The following TRPC4 variants were observed in gnomAD, a reference collection of about 807,000 sequenced individuals.
The protein encoded by TRPC4 is short transient receptor potential channel 4.
A neutral mutation model predicts 99.4 loss-of-function variants in TRPC4; 49 were observed. The ratio of observed to expected loss-of-function variants is 0.49; its 90% CI spans 0.39 to 0.63. TRPC4 has a LOEUF of 0.63. Ranked by LOEUF, TRPC4 falls within the 20% of genes least tolerant of loss-of-function variation. The pLI, the probability that TRPC4 is intolerant of heterozygous loss-of-function variation, is 0.00. For synonymous variants in TRPC4, 454 were observed against 425.9 expected, an observed-to-expected ratio of 1.07 and a Z score of -0.81; for missense variants, 898 against 1,152.9, an observed-to-expected ratio of 0.78 and a Z score of 3.20.
At chr13:37,745,620 C>T (rs1955753515) in intron 3 of TRPC4, among the ~76,000 whole-genome samples, 1 of 149,966 alleles carries the variant, frequency 6.7e-6, no homozygotes, top group Admixed American at 6.7e-5. Context: ...CTATCTGTGA[C>T]CCCCTAAAGT....
In TRPC4 at chr13:37,649,731, C is replaced by CAAAAAA. The variant is rs775364702; in HGVS notation, c.2079+1528_2079+1533dup. On this transcript the variant is annotated intron_variant, in intron 8 of 10. Coordinates refer to ENST00000379705, the MANE Select transcript of TRPC4 (RefSeq NM_016179.4). ...TGGGCAACTGAGCGAGACTCCGTCT[C>CAAAAAA]AAAAAAAAAAAAAAAAAAAAAAAAA... 3.6e-3 allele frequency among the ~76,000 whole-genome samples: 228 copies of CAAAAAA among 62,712 alleles called. 2 individuals are homozygous for CAAAAAA. The highest frequency in any genetic ancestry group is 0.019 in the East Asian group (15 of 786). 41.1% of individuals were successfully genotyped at this position (62,712 alleles called of 152,430 possible).
At chr13:37,753,782 T>C (rs1178188395) in intron 2 of TRPC4, among the ~76,000 whole-genome samples, 1 of 152,154 alleles carries the variant, frequency 6.6e-6, no homozygotes, top group Non-Finnish European at 1.5e-5. Flanking sequence ...TTGCAGAAGC[T>C]GCTAATGCAA....
chr13:37,746,478 T>G (rs1164319028), intron 2 of TRPC4, 23 bp from the exon 3 acceptor site: 3 of 1,564,920 alleles, frequency 1.9e-6, no homozygotes. Flanking sequence ...AAGGCAGAGG[T>G]GATGAATATT....
At chr13:37,837,686 C>A (rs1958603846) in intron 1 of TRPC4, among the ~76,000 whole-genome samples, 1 of 152,152 alleles carries the variant, frequency 6.6e-6, no homozygotes, top group Non-Finnish European at 1.5e-5. Flanking sequence ...CTTGTCTTAT[C>A]TTGGATGAGA....
At chr13:37,710,250 A>G (rs1187273973) in intron 3 of TRPC4, among the ~76,000 whole-genome samples, 1 of 151,970 alleles carries the variant, frequency 6.6e-6, no homozygotes, top group Non-Finnish European at 1.5e-5. Context: ...GTAAACATTA[A>G]GAGATTAATC....
rs767741358 is a variant in TRPC4 at position 37,783,034 on chromosome 13, T to C, written c.300A>G (p.Leu100=). 6.8e-6 allele frequency: 11 copies of C among 1,612,974 alleles called. No individual in the cohort carries two copies. The Admixed American group carries it at 1.3e-4, about 20-fold the overall frequency. The change falls in exon 2 of 11, where the codon CTA becomes CTG. Residue 100 remains leucine (L), a synonymous_variant. Transcript: ENST00000379705. ...CGACTTCTTTTCTGATAGCATGTAA[T>C]AGAGCATCTCCAACATAGACATTAA... ...LSFNVYVGDA[L]LHAIRKEVVG...
At chr13:37,644,973 A>G (rs115491249) in intron 8 of TRPC4, among the ~76,000 whole-genome samples, 1 of 151,850 alleles carries the variant, frequency 6.6e-6, no homozygotes, top group Non-Finnish European at 1.5e-5. Context: ...TTAAGACAGA[A>G]AAAATGGATT....
Position 37,746,318 on chromosome 13 carries a change from G to A in TRPC4, c.516C>T (p.His172=), listed in dbSNP as rs267603818. ...VQKGVSVPRP[H]EVRCNCVECV... ...ATTCCACACAGTTACAGCGGACCTC[G>A]TGGGGTCGAGGCACTGAGACTCCTT... is the stretch of plus-strand genomic sequence containing the variant. The change falls in exon 3 of 11, where the codon CAC becomes CAT. Residue 172 remains histidine, a synonymous_variant. Coordinates refer to ENST00000379705, the MANE Select transcript of TRPC4 (RefSeq NM_016179.4). The A allele has an allele frequency of 3.7e-6, 6 of 1,613,810 alleles. No homozygotes were observed. The Admixed American group carries it at 6.7e-5, about 18-fold the overall frequency.
chr13:37,848,383 A>G (rs1203744500), intron 1 of TRPC4, among the ~76,000 whole-genome samples: 1 of 152,162 alleles, frequency 6.6e-6, no homozygotes, highest in Admixed American at 6.6e-5. Flanking sequence ...TTGTATACCA[A>G]CTGCTATCAC....
At chr13:37,646,518 T>C (rs1006591861) in intron 8 of TRPC4, among the ~76,000 whole-genome samples, 2 of 152,192 alleles carry the variant, frequency 1.3e-5, no homozygotes, top group African/African-American at 4.8e-5. Flanking sequence ...CGGGACCTTT[T>C]GAGCAACAGC....
chr13:37,642,736 C>CTT lies in TRPC4; in HGVS notation c.2080-3439_2080-3438dup. Reference sequence around the variant, plus strand: ...TATGGAAATATGATTCTTTCTTTTTCTTTTTTTTTTTTTTTTTTGAGATAG... The same window carrying CTT: ...TATGGAAATATGATTCTTTCTTTTTCTTTTTTTTTTTTTTTTTTTTGAGATAG... On this transcript the variant is annotated intron_variant, in intron 8 of 10. Transcript: ENST00000379705. Among the ~76,000 whole-genome samples the CTT allele has an allele frequency of 7.1e-4, 2 of 2,806 alleles. 1 individual carries two copies. Among genetic ancestry groups the CTT allele is most frequent in the Non-Finnish European group, 1.5e-3 (2 of 1,308 alleles). 1.8% of individuals were successfully genotyped at this position (2,806 alleles called of 152,430 possible). A position where few individuals can be genotyped will look rare whatever the true frequency, so the allele number is the denominator to read the frequency against.
At chr13:37,852,744 G>A (rs1959091244) in intron 1 of TRPC4, among the ~76,000 whole-genome samples, 1 of 152,140 alleles carries the variant, frequency 6.6e-6, no homozygotes, top group East Asian at 1.9e-4. Flanking sequence ...CTTGAAGGGT[G>A]AGTCCCAGGC....
chr13:37,812,175 T>TAAAAAAAA (rs1957707997), intron 1 of TRPC4, among the ~76,000 whole-genome samples: 2 of 5,202 alleles, frequency 3.8e-4, no homozygotes, highest in African/African-American at 9.0e-4. Flanking sequence ...TGAGACTCTA[T>TAAAAAAAA]CAAAAAAAAA....
At position 37,713,680 on chromosome 13, in the gene TRPC4, T is replaced by C. The variant is rs936014445; in HGVS notation, c.898-21345A>G. Among the ~76,000 whole-genome samples, 94 of 152,094 alleles carry C rather than the reference T, an allele frequency of 6.2e-4. 1 individual carries two copies. Among genetic ancestry groups the C allele is most frequent in the Admixed American group, 1.4e-3 (21 of 15,256 alleles). ...GGTATAGTGATCTGAACATACATAA[T>C]GGAAAAGAAAAGGAGAAGGTGGACT... On this transcript the variant is annotated intron_variant, in intron 3 of 10. Coordinates refer to ENST00000379705, the MANE Select transcript of TRPC4 (RefSeq NM_016179.4).
At chr13:37,788,628 C>T (rs947742584) in intron 1 of TRPC4, among the ~76,000 whole-genome samples, 1 of 152,070 alleles carries the variant, frequency 6.6e-6, no homozygotes, top group Non-Finnish European at 1.5e-5. Context: ...TTTCCACAGA[C>T]TCCTTTTCTT....
intron 1 of TRPC4, among the ~76,000 whole-genome samples, chr13:37,786,426 G>A (rs2139366104): frequency 6.6e-6 from 1 of 151,758 alleles, no homozygotes; most frequent in East Asian, 1.9e-4. Flanking sequence ...TCAGCACATG[G>A]GCTTGTCCTT....
At chr13:37,830,031 T>A (rs1958369587) in intron 1 of TRPC4, among the ~76,000 whole-genome samples, 1 of 152,164 alleles carries the variant, frequency 6.6e-6, no homozygotes, top group Non-Finnish European at 1.5e-5. Context: ...CTAATGACTA[T>A]GGGGTTTCTT....
chr13:37,774,180 C>CT (rs1239708894), intron 2 of TRPC4, among the ~76,000 whole-genome samples: 1 of 151,512 alleles, frequency 6.6e-6, no homozygotes, highest in East Asian at 2.0e-4. Flanking sequence ...GTATTATCAC[C>CT]TTTTTTAAGG....
intron 3 of TRPC4, among the ~76,000 whole-genome samples, chr13:37,708,320 T>C (rs1399944376): frequency 6.6e-6 from 1 of 152,114 alleles, no homozygotes; most frequent in East Asian, 1.9e-4. Context: ...TCATTTCATC[T>C]AGACATATTA....
Sources: gnomAD v4.1 joint callset for allele counts (sites outside exome capture counted in the v4.1 genomes callset) on GRCh38, gnomAD v4.1.1 for gene constraint, MANE v1.5 for transcripts, NCBI Gene and HGNC (gene_info 2026-07-23, HGNC 2026-07-21) for gene names.